Variants in OSBPL3 observed in about 807,000 individuals in gnomAD.
OSBPL3 encodes oxysterol-binding protein-related protein 3.
A neutral mutation model predicts 120.1 loss-of-function variants in OSBPL3; 65 were observed. The ratio of observed to expected loss-of-function variants is 0.54; its 90% CI spans 0.44 to 0.67. The LOEUF is 0.67. OSBPL3 is among the 30% of genes least tolerant of loss of function. OSBPL3 has a pLI of 0.00. For missense variants in OSBPL3, 1,004 were observed against 1,082.1 expected (o/e 0.93, Z 1.01); for synonymous variants, 416 against 402.6 (o/e 1.03, Z -0.40).
At position 24,959,597 on chromosome 7, in the gene OSBPL3, C is replaced by T. The variant is rs164; in HGVS notation, c.-150+20289G>A. 2.0e-5 allele frequency among the ~76,000 whole-genome samples: 3 copies of T among 152,146 alleles called. No homozygotes were observed. Among genetic ancestry groups the T allele is most frequent in the African/African-American group, 4.8e-5 (2 of 41,526 alleles). ...GTAATCACCTGTTTCTTGTTCTGGA[C>T]GCTGGTTACACAGGTTATTTATCTT... On this transcript the variant is annotated intron_variant, in intron 1 of 22. Coordinates refer to ENST00000313367, the MANE Select transcript of OSBPL3 (RefSeq NM_015550.4). The surrounding 1 kb of genome is among the most constrained non-coding windows in gnomAD (Gnocchi z 4.3).
intron 16 of OSBPL3, among the ~76,000 whole-genome samples, chr7:24,823,289 G>A (rs992817654): frequency 1.3e-5 from 2 of 151,984 alleles, no homozygotes; most frequent in African/African-American, 4.8e-5. Context: ...CACTGATGTG[G>A]ATTAGGCAGA....
At chr7:24,895,069 C>G (rs1805936747) in intron 1 of OSBPL3, among the ~76,000 whole-genome samples, 1 of 152,154 alleles carries the variant, frequency 6.6e-6, no homozygotes. Flanking sequence ...GGATTGTTGC[C>G]CGGGGAAATA....
Position 24,930,103 on chromosome 7 carries a change from A to G in OSBPL3, c.-149-37482T>C, listed in dbSNP as rs1811602803. ...TGAGAAAACTTTAGGAGTTAGAAGA[A>G]AGGGTAACTAATGATTTTTTAAGAG... is the stretch of plus-strand genomic sequence containing the variant. On this transcript the variant is annotated intron_variant, in intron 1 of 22. Coordinates refer to ENST00000313367, the MANE Select transcript of OSBPL3 (RefSeq NM_015550.4). This position sits in a 1 kb window ranked among gnomAD's most constrained non-coding sequence, Gnocchi z 4.4. Among the ~76,000 whole-genome samples, 1 of 152,226 alleles carries G rather than the reference A, an allele frequency of 6.6e-6. No individual in the cohort carries two copies. Among genetic ancestry groups the G allele is most frequent in the Non-Finnish European group, 1.5e-5 (1 of 68,034 alleles).
intron 9 of OSBPL3, 107 bp from the exon 10 acceptor site, chr7:24,861,876 A>T: frequency 4.7e-5 from 28 of 594,382 alleles, no homozygotes; most frequent in East Asian, 1.4e-4. Flanking sequence ...AACATTTTAT[A>T]GGTAGGTCTT....
intron 19 of OSBPL3, among the ~76,000 whole-genome samples, chr7:24,811,869 A>G (rs1562760149): frequency 1.3e-5 from 2 of 152,150 alleles, no homozygotes. Flanking sequence ...ATCTGTTTTT[A>G]TGCTTGGATT....
intron 1 of OSBPL3, among the ~76,000 whole-genome samples, chr7:24,949,899 C>T (rs1025152093): frequency 4.7e-4 from 72 of 152,214 alleles, no homozygotes; most frequent in African/African-American, 1.6e-3. Context: ...CACCCAACTC[C>T]TTGCTTCAGG....
chr7:24,924,967 TAAG>T (rs1384298605), intron 1 of OSBPL3, among the ~76,000 whole-genome samples: 1 of 152,206 alleles, frequency 6.6e-6, no homozygotes. Flanking sequence ...GTTTATACAC[TAAG>T]AAGACAAGGG....
At chr7:24,979,611 G>C (rs1008954755) in intron 1 of OSBPL3, among the ~76,000 whole-genome samples, 8 of 152,190 alleles carry the variant, frequency 5.3e-5, no homozygotes, top group Admixed American at 4.6e-4. Context: ...CCCTGCGCTC[G>C]GCTCCTCCTG....
At position 24,824,061 on chromosome 7, in the gene OSBPL3, C is replaced by CT. The variant is rs965823317; in HGVS notation, c.1885-3824dup. On this transcript the variant is annotated intron_variant, in intron 16 of 22. Transcript: ENST00000313367. This position sits in a 1 kb window ranked among gnomAD's most constrained non-coding sequence, Gnocchi z 4.9. Reference sequence around the variant, plus strand: ...GCCTGTTGAATAAACCCAATTTAGACTTTTTTTTTAAGCATTCTTCCCTAT... The same window carrying CT: ...GCCTGTTGAATAAACCCAATTTAGACTTTTTTTTTTAAGCATTCTTCCCTAT... Among the ~76,000 whole-genome samples, 19 of 151,526 alleles carry CT rather than the reference C, an allele frequency of 1.3e-4. No homozygotes were observed. Among genetic ancestry groups the CT allele is most frequent in the African/African-American group, 3.9e-4 (16 of 41,210 alleles).
Position 24,923,593 on chromosome 7 carries a change from AAG to A in OSBPL3, c.-149-30974_-149-30973del, listed in dbSNP as rs148843817. Among the ~76,000 whole-genome samples the A allele has an allele frequency of 7.0e-3, 1,072 of 152,288 alleles. 12 individuals carry two copies. The highest frequency in any genetic ancestry group is 0.024 in the African/African-American group (993 of 41,562). On this transcript the variant is annotated intron_variant, in intron 1 of 22. Coordinates refer to ENST00000313367, the MANE Select transcript of OSBPL3 (RefSeq NM_015550.4). ...GAGAGGGAGGGAGAGACTAAAAGATAAGAGAGATTGACAGACAGGAGTCCCAG... is the reference window on the plus strand; with the variant it reads ...GAGAGGGAGGGAGAGACTAAAAGATAAGAGATTGACAGACAGGAGTCCCAG...
At chr7:24,931,481 T>C (rs762753484) in intron 1 of OSBPL3, among the ~76,000 whole-genome samples, 8 of 152,046 alleles carry the variant, frequency 5.3e-5, no homozygotes, top group Non-Finnish European at 1.2e-4. Context: ...GGCAATGTGA[T>C]GATGGAAACA....
intron 20 of OSBPL3, among the ~76,000 whole-genome samples, chr7:24,807,924 T>G (rs774665893): frequency 2.8e-4 from 42 of 151,920 alleles, no homozygotes; most frequent in Non-Finnish European, 4.4e-4. Context: ...ATTGAAAGGG[T>G]CTCACTCTGT....
chr7:24,863,199 C>T lies in OSBPL3; in HGVS notation c.870+1G>A, dbSNP rs770385427. On this transcript the variant is annotated splice_donor_variant, in intron 9 of 22. Coordinates refer to ENST00000313367, the MANE Select transcript of OSBPL3 (RefSeq NM_015550.4). LOFTEE classifies it high-confidence loss of function. This position sits in a 1 kb window ranked among gnomAD's most constrained non-coding sequence, Gnocchi z 5.8. ...AGTCTGTCAGGGGAAGCAATGGTTA[C>T]CTGCAGTGTTCCTTTAGCATCTTTG... 2 of 1,610,190 alleles carry T rather than the reference C, an allele frequency of 1.2e-6. No homozygotes were observed. Among genetic ancestry groups the T allele is most frequent in the Non-Finnish European group, 1.7e-6 (2 of 1,176,388 alleles).
In OSBPL3 at chr7:24,851,092, A is replaced by C. The variant is rs190901318; in HGVS notation, c.1158+1412T>G. ...GGCCTCTGTGGGAGGAGGCAGGGAG[A>C]GGAAGATCATGGGGAGAGGGACCTT... On this transcript the variant is annotated intron_variant, in intron 11 of 22. Coordinates refer to ENST00000313367, the MANE Select transcript of OSBPL3 (RefSeq NM_015550.4). This position sits in a 1 kb window ranked among gnomAD's most constrained non-coding sequence, Gnocchi z 4.1. Among the ~76,000 whole-genome samples, 2 of 152,328 alleles carry C rather than the reference A, an allele frequency of 1.3e-5. No homozygotes were observed. Among genetic ancestry groups the C allele is most frequent in the Admixed American group, 1.3e-4 (2 of 15,294 alleles).
rs536403375 is a variant in OSBPL3 at position 24,927,339 on chromosome 7, G to C, written c.-149-34718C>G. 2.9e-4 allele frequency among the ~76,000 whole-genome samples: 44 copies of C among 152,296 alleles called. 1 individual carries two copies. In the South Asian group the frequency reaches 7.7e-3, roughly 27 times the overall value. ...TATGACTCAGAACACCAACTGTGAT[G>C]CCAACGTTTTTATTTTTAGACTTTT... On this transcript the variant is annotated intron_variant, in intron 1 of 22. Coordinates refer to ENST00000313367, the MANE Select transcript of OSBPL3 (RefSeq NM_015550.4).
At position 24,913,007 on chromosome 7, in the gene OSBPL3, C is replaced by CG. The variant is rs1178309709; in HGVS notation, c.-149-20387dup. Reference sequence around the variant, plus strand: ...GAAAGAACACATGGAGAGATCCATTCGGAAAAGAATGGCGACCGCCTCACC... The same window carrying CG: ...GAAAGAACACATGGAGAGATCCATTCGGGAAAAGAATGGCGACCGCCTCACC... On this transcript the variant is annotated intron_variant, in intron 1 of 22. Transcript: ENST00000313367. This position sits in a 1 kb window ranked among gnomAD's most constrained non-coding sequence, Gnocchi z 5.3. Among the ~76,000 whole-genome samples the CG allele has an allele frequency of 6.6e-6, 1 of 152,176 alleles. No individual in the cohort carries two copies. Among genetic ancestry groups the CG allele is most frequent in the Non-Finnish European group, 1.5e-5 (1 of 68,030 alleles).
intron 2 of OSBPL3, among the ~76,000 whole-genome samples, chr7:24,880,165 T>A (rs1160825701): frequency 6.6e-6 from 1 of 152,204 alleles, no homozygotes; most frequent in Non-Finnish European, 1.5e-5. Context: ...ATATGTACCT[T>A]GTGGTGATTC....
At position 24,952,409 on chromosome 7, in the gene OSBPL3, A is replaced by C. The variant is rs1255467118; in HGVS notation, c.-150+27477T>G. The stretch of plus-strand genomic sequence containing the variant: ...CGGTTATCTAGGTCTCCTGACATTC[A>C]ATACAATGCCCTGTAGCAAACCGAA... On this transcript the variant is annotated intron_variant, in intron 1 of 22. Transcript: ENST00000313367. The surrounding 1 kb of genome is among the most constrained non-coding windows in gnomAD (Gnocchi z 4.4). Among the ~76,000 whole-genome samples the C allele has an allele frequency of 2.6e-5, 4 of 152,202 alleles. No individual in the cohort carries two copies. The highest frequency in any genetic ancestry group is 9.6e-5 in the African/African-American group (4 of 41,454).
intron 1 of OSBPL3, among the ~76,000 whole-genome samples, chr7:24,945,363 T>G (rs556671329): frequency 2.0e-5 from 3 of 152,242 alleles, no homozygotes; most frequent in African/African-American, 7.2e-5. Context: ...TCCTGTATAT[T>G]TATTCATTCA....
Sources: gnomAD v4.1 joint callset for allele counts (sites outside exome capture counted in the v4.1 genomes callset) on GRCh38, gnomAD v4.1.1 for gene constraint, Gnocchi (gnomAD v3.1) non-coding constraint, MANE v1.5 for transcripts, NCBI Gene and HGNC (gene_info 2026-07-23, HGNC 2026-07-21) for gene names.